Variants in ARK2N observed in about 807,000 individuals in gnomAD.
ARK2N encodes the protein arkadia (RNF111) N-terminal like PKA signaling regulator 2N.
the ARK2N span, among the ~76,000 whole-genome samples, chr18:46,215,362 A>G: frequency 1.1e-4 from 16 of 152,222 alleles, no homozygotes; most frequent in South Asian, 2.3e-3. Context: ...ATGTTTCTCT[A>G]TTGTAACTCC....
the ARK2N span, among the ~76,000 whole-genome samples, chr18:46,257,538 T>A: frequency 6.6e-6 from 1 of 152,216 alleles, no homozygotes; most frequent in South Asian, 2.1e-4. Flanking sequence ...TTCCAGATGT[T>A]AATTTTTGGA....
the ARK2N span, among the ~76,000 whole-genome samples, chr18:46,198,138 C>T: frequency 6.6e-6 from 1 of 151,846 alleles, no homozygotes; most frequent in Non-Finnish European, 1.5e-5. Context: ...ACTGTCTCTA[C>T]TAAAAATACA....
chr18:46,212,645 C>T, the ARK2N span, among the ~76,000 whole-genome samples: 8 of 151,942 alleles, frequency 5.3e-5, no homozygotes, highest in Admixed American at 1.3e-4. Context: ...ACTGCAATAC[C>T]GGTTACTAAT....
At chr18:46,182,375 A>G in the ARK2N span, among the ~76,000 whole-genome samples, 1 of 152,162 alleles carries the variant, frequency 6.6e-6, no homozygotes, top group Non-Finnish European at 1.5e-5. Flanking sequence ...GCATGTGGTT[A>G]TCCATCTTTA....
At chr18:46,243,787 G>A in the ARK2N span, among the ~76,000 whole-genome samples, 3 of 152,062 alleles carry the variant, frequency 2.0e-5, no homozygotes, top group Non-Finnish European at 1.5e-5. Flanking sequence ...TACAAAACTG[G>A]GGCACAACCT....
chr18:46,252,038 C>G, the ARK2N span, among the ~76,000 whole-genome samples: 2 of 152,048 alleles, frequency 1.3e-5, no homozygotes, highest in South Asian at 4.2e-4. Context: ...ACTAAAACTA[C>G]AAAAATTAGC....
At chr18:46,231,387 G>A in the ARK2N span, among the ~76,000 whole-genome samples, 1 of 152,082 alleles carries the variant, frequency 6.6e-6, no homozygotes, top group Non-Finnish European at 1.5e-5. Context: ...CAAATGGCTG[G>A]AGGCAGATAA....
the ARK2N span, among the ~76,000 whole-genome samples, chr18:46,211,973 A>T: frequency 6.6e-6 from 1 of 152,182 alleles, no homozygotes; most frequent in South Asian, 2.1e-4. Context: ...TGCAGTAAAT[A>T]ATCTGGTTGT....
the ARK2N span, chr18:46,264,833 C>T: frequency 6.6e-6 from 1 of 150,492 alleles, no homozygotes; most frequent in African/African-American, 2.5e-5. Context: ...TGTATTTGTG[C>T]ATATGTTCTT....
At chr18:46,216,690 A>G in the ARK2N span, 1 of 1,095,082 alleles carries the variant, frequency 9.1e-7, no homozygotes, top group Non-Finnish European at 1.3e-6. This position sits in a 1 kb window ranked among gnomAD's most constrained non-coding sequence, Gnocchi z 4.3. Flanking sequence ...AAAATCCAGG[A>G]GACCTGCAGC....
the ARK2N span, among the ~76,000 whole-genome samples, chr18:46,255,841 C>T: frequency 6.6e-6 from 1 of 151,590 alleles, no homozygotes; most frequent in Non-Finnish European, 1.5e-5. Context: ...TGTTTTCTGC[C>T]TTAATTACAA....
At chr18:46,205,524 A>C in the ARK2N span, among the ~76,000 whole-genome samples, 1 of 152,220 alleles carries the variant, frequency 6.6e-6, no homozygotes, top group Non-Finnish European at 1.5e-5. Context: ...CCCTCCAAAA[A>C]TAATTCCTTG....
At chr18:46,189,338 G>A in the ARK2N span, among the ~76,000 whole-genome samples, 1 of 152,098 alleles carries the variant, frequency 6.6e-6, no homozygotes, top group East Asian at 1.9e-4. Context: ...ATGTAGATGT[G>A]CTTTTATTTA....
At chr18:46,240,281 C>A in the ARK2N span, 2 of 1,344,508 alleles carry the variant, frequency 1.5e-6, no homozygotes, top group African/African-American at 1.5e-5. Flanking sequence ...GAGAACAGGT[C>A]ATACCAGAGA....
At chr18:46,257,063 T>C in the ARK2N span, among the ~76,000 whole-genome samples, 1 of 152,238 alleles carries the variant, frequency 6.6e-6, no homozygotes, top group Admixed American at 6.5e-5. Context: ...TAGGTTTTGA[T>C]CCACATCTTT....
chr18:46,242,956 T>G, the ARK2N span, among the ~76,000 whole-genome samples: 2 of 152,196 alleles, frequency 1.3e-5, no homozygotes, highest in South Asian at 2.1e-4. Context: ...AATTAATATA[T>G]AGAGAGAGCA....
the ARK2N span, among the ~76,000 whole-genome samples, chr18:46,259,892 T>TGTGTGTGTGTGTGTGTGTGTGTGTGG: frequency 7.6e-6 from 1 of 132,014 alleles, no homozygotes; most frequent in African/African-American, 2.7e-5. Context: ...CGTCTGTGTG[T>TGTGTGTGTGTGTGTGTGTGTGTGTGG]GTGTGTGCGA....
the ARK2N span, among the ~76,000 whole-genome samples, chr18:46,174,951 G>T: frequency 6.6e-6 from 1 of 152,248 alleles, no homozygotes; most frequent in Non-Finnish European, 1.5e-5. Flanking sequence ...CGGTCGGCAG[G>T]CGCCTCCAGT....
chr18:46,202,086 G>C, the ARK2N span, among the ~76,000 whole-genome samples: 1 of 152,020 alleles, frequency 6.6e-6, no homozygotes, highest in Non-Finnish European at 1.5e-5. Flanking sequence ...CCTAGATCTA[G>C]TTTTCTTAAC....
Sources: allele counts gnomAD v4.1 joint callset (sites outside exome capture counted in the v4.1 genomes callset), GRCh38; gene constraint gnomAD v4.1.1; non-coding constraint Gnocchi (gnomAD v3.1); transcripts MANE v1.5; gene names NCBI Gene and HGNC (gene_info 2026-07-23, HGNC 2026-07-21).